The following IFT43 variants were observed in gnomAD, a reference collection of about 807,000 sequenced individuals.
The protein encoded by IFT43 is intraflagellar transport 43.
IFT43 carries 33 observed loss-of-function variants against 32.3 expected under a neutral mutation model. That is an observed-to-expected ratio of 1.02 (90% CI 0.77 to 1.37). The LOEUF is 1.37. IFT43 is among the 40% of genes most tolerant of loss of function. The pLI, the probability that IFT43 is intolerant of heterozygous loss-of-function variation, is 0.00. For synonymous variants in IFT43, 93 were observed against 98.2 expected (o/e 0.95, Z 0.31); for missense variants, 274 against 265.9 (o/e 1.03, Z -0.21).
At position 76,058,630 on chromosome 14, in the gene IFT43, T is replaced by TA; in HGVS notation, c.216-12_216-11insA. On this transcript the variant is annotated splice_polypyrimidine_tract_variant and intron_variant, in intron 3 of 8. Transcript: ENST00000314067. ...GCTCTCAAAAACCTTGTCTTTTCTT[T>TA]TTTTTTTTCAGGTTTAGGAGGAAGG... is the stretch of plus-strand genomic sequence containing the variant. 8.7e-6 allele frequency: 14 copies of TA among 1,610,338 alleles called. No individual in the cohort carries two copies. The highest frequency in any genetic ancestry group is 9.3e-6 in the Non-Finnish European group (11 of 1,177,686).
At position 76,082,686 on chromosome 14, in the gene IFT43, G is replaced by C; in HGVS notation, c.438G>C (p.Gln146His). The change falls in exon 7 of 9, where the codon CAG becomes CAC. Residue 146 changes from glutamine (Q) to histidine (H), a missense_variant. Gln to His is a conservative substitution (Grantham distance 24). Coordinates refer to ENST00000314067, the MANE Select transcript of IFT43 (RefSeq NM_001102564.3). ...ACCTCATGAAGTACTCAGCCATTCA[G>C]ACACTGGTGAGTGGAACAGCTTCTG... is the stretch of plus-strand genomic sequence containing the variant. ...DNDLMKYSAI[Q>H]TLDGEIDLKL... 1 of 1,602,494 alleles carries C rather than the reference G, an allele frequency of 6.2e-7. No individual in the cohort carries two copies. Among genetic ancestry groups the C allele is most frequent in the South Asian group, 1.1e-5 (1 of 90,844 alleles).
At chr14:76,024,260 A>G (rs1026322164) in intron 3 of IFT43, among the ~76,000 whole-genome samples, 2 of 152,248 alleles carry the variant, frequency 1.3e-5, no homozygotes, top group Non-Finnish European at 1.5e-5. Context: ...CTTGTTTTAA[A>G]TAAGGAGAAA....
chr14:75,999,281 ATTT>A lies in IFT43; in HGVS notation c.147+10321_147+10323del, dbSNP rs371670856. On this transcript the variant is annotated intron_variant, in intron 2 of 8. Transcript: ENST00000314067. ...TATATATATATATATATGTATATAT[ATTT>A]TTTTTTTTTTTTTTTTAATTTTTTG... Among the ~76,000 whole-genome samples, 12 of 39,062 alleles carry A rather than the reference ATTT, an allele frequency of 3.1e-4. 1 individual carries two copies. Among genetic ancestry groups the A allele is most frequent in the African/African-American group, 8.4e-4 (7 of 8,352 alleles). The allele number at this position is 39,062 out of a possible 152,430, so 25.6% of individuals were successfully genotyped here.
rs137918679 is a variant in IFT43 at position 76,048,147 on chromosome 14, C to T, written c.216-10495C>T. Among the ~76,000 whole-genome samples the T allele has an allele frequency of 1.2e-3, 186 of 152,320 alleles. 5 individuals are homozygous for T. The South Asian group carries it at 0.035, about 29-fold the overall frequency. Reference sequence around the variant, plus strand: ...GCCGTGCCCATTCTCAAACCTTGAGCGCTGCACGCATTTATCTCAAGTTCA... The same window carrying T: ...GCCGTGCCCATTCTCAAACCTTGAGTGCTGCACGCATTTATCTCAAGTTCA... On this transcript the variant is annotated intron_variant, in intron 3 of 8. Coordinates refer to ENST00000314067, the MANE Select transcript of IFT43 (RefSeq NM_001102564.3).
rs767894989 is a variant in IFT43, at chr14:76,059,310, T to A, written c.249-17T>A. 9.9e-6 allele frequency: 16 copies of A among 1,614,054 alleles called. No individual in the cohort carries two copies. In the South Asian group the frequency reaches 1.8e-4, roughly 18 times the overall value. ...AAACTCATTTTTTGCTGTCCTTTTC[T>A]TCTTTTTTGGGGGCAGTTTCCGCCT... On this transcript the variant is annotated splice_polypyrimidine_tract_variant and intron_variant, in intron 4 of 8. Transcript: ENST00000314067.
intron 5 of IFT43, 133 bp from the exon 6 acceptor site, chr14:76,082,161 GT>G: frequency 1.2e-6 from 1 of 809,978 alleles, no homozygotes; most frequent in South Asian, 1.3e-5. Flanking sequence ...CCCCTAGTTT[GT>G]ATCTGAGTGT....
At chr14:76,062,682 C>T (rs899506549) in intron 5 of IFT43, among the ~76,000 whole-genome samples, 6 of 127,734 alleles carry the variant, frequency 4.7e-5, no homozygotes, top group Non-Finnish European at 8.2e-5. Flanking sequence ...TTTGGGAGGC[C>T]GAGGCTGGTG....
At chr14:75,986,820 G>C (rs962541664) in intron 1 of IFT43, among the ~76,000 whole-genome samples, 3 of 152,250 alleles carry the variant, frequency 2.0e-5, no homozygotes, top group Admixed American at 1.3e-4. Context: ...TAAGTGTTTT[G>C]AAGGTCACCA....
intron 3 of IFT43, among the ~76,000 whole-genome samples, chr14:76,054,029 C>G (rs1263552381): frequency 6.6e-6 from 1 of 152,180 alleles, no homozygotes; most frequent in Non-Finnish European, 1.5e-5. Context: ...AGAAAGTCGG[C>G]AACTCAGGAG....
At chr14:76,043,597 G>C (rs2036748608) in intron 3 of IFT43, among the ~76,000 whole-genome samples, 1 of 152,100 alleles carries the variant, frequency 6.6e-6, no homozygotes. Flanking sequence ...GACAACCTTG[G>C]GGTACTTGCA....
intron 5 of IFT43, among the ~76,000 whole-genome samples, chr14:76,080,184 A>G (rs1323543298): frequency 2.0e-5 from 3 of 152,166 alleles, no homozygotes; most frequent in African/African-American, 7.2e-5. Flanking sequence ...CCTGGCTGTC[A>G]TCGCTGGCTC....
chr14:76,056,244 G>C (rs1311880770), intron 3 of IFT43, among the ~76,000 whole-genome samples: 1 of 152,192 alleles, frequency 6.6e-6, no homozygotes, highest in Non-Finnish European at 1.5e-5. Flanking sequence ...CTGGCAGAGA[G>C]AGAGAATGAG....
At chr14:76,060,482 G>T (rs2140055826) in intron 5 of IFT43, among the ~76,000 whole-genome samples, 1 of 152,122 alleles carries the variant, frequency 6.6e-6, no homozygotes, top group Middle Eastern at 3.4e-3. Context: ...GCTTCCCAAA[G>T]TGCTGAGATT....
chr14:76,081,680 T>G (rs542397929), intron 5 of IFT43, among the ~76,000 whole-genome samples: 2 of 152,322 alleles, frequency 1.3e-5, no homozygotes, highest in South Asian at 4.1e-4. Flanking sequence ...AAAGCATGAT[T>G]GTAGAATCAG....
At position 75,999,227 on chromosome 14, in the gene IFT43, TTATATA is replaced by T. The variant is rs1162371057; in HGVS notation, c.147+10290_147+10295del. ...ATATTCATTTATATATAAATTCATT[TTATATA>T]TATATATATATATATATATATATAT... On this transcript the variant is annotated intron_variant, in intron 2 of 8. Coordinates refer to ENST00000314067, the MANE Select transcript of IFT43 (RefSeq NM_001102564.3). Among the ~76,000 whole-genome samples, 270 of 95,968 alleles carry T rather than the reference TTATATA, an allele frequency of 2.8e-3. 1 individual carries two copies. Among genetic ancestry groups the T allele is most frequent in the African/African-American group, 5.7e-3 (107 of 18,908 alleles). The allele number at this position is 95,968 out of a possible 152,430, so 63.0% of individuals were successfully genotyped here.
chr14:76,074,997 A>G (rs2037387949), intron 5 of IFT43, among the ~76,000 whole-genome samples: 1 of 152,122 alleles, frequency 6.6e-6, no homozygotes, highest in Non-Finnish European at 1.5e-5. Flanking sequence ...ATCAGGAGAG[A>G]TTCAGTTTGG....
chr14:75,998,565 A>G (rs2035791634), intron 2 of IFT43, among the ~76,000 whole-genome samples: 3 of 152,164 alleles, frequency 2.0e-5, no homozygotes, highest in Admixed American at 2.0e-4. Flanking sequence ...GAGAGGAGAA[A>G]CCAAGCACCT....
intron 2 of IFT43, among the ~76,000 whole-genome samples, chr14:76,006,790 G>T (rs920606432): frequency 7.3e-5 from 11 of 151,290 alleles, no homozygotes; most frequent in African/African-American, 2.7e-4. Flanking sequence ...AACAGTTTAT[G>T]AAATCCAGAA....
chr14:76,076,461 AG>A, intron 5 of IFT43: 2 of 1,326,678 alleles, frequency 1.5e-6, no homozygotes, highest in Non-Finnish European at 2.1e-6. Flanking sequence ...GGTGGGACCC[AG>A]GGGCCAGATT....
Sources: gnomAD v4.1 joint callset for allele counts (sites outside exome capture counted in the v4.1 genomes callset) on GRCh38, gnomAD v4.1.1 for gene constraint, MANE v1.5 for transcripts, NCBI Gene and HGNC (gene_info 2026-07-23, HGNC 2026-07-21) for gene names.